MTMR7: variants seen among roughly 807,000 people sequenced by gnomAD.
MTMR7 encodes phosphatidylinositol-3-phosphate phosphatase MTMR7.
In MTMR7, 76 loss-of-function variants were observed where a neutral mutation model predicts 81.2. That is an observed-to-expected ratio of 0.94 (90% CI 0.78 to 1.13). The LOEUF (loss-of-function observed/expected upper bound fraction) is 1.13, where lower values mean the gene tolerates loss of function less well. MTMR7 is among the 50% of genes most tolerant of loss of function. The pLI is 0.00. For missense variants in MTMR7, 1,044 were observed against 820.0 expected, an observed-to-expected ratio of 1.27 and a Z score of -3.34; for synonymous variants, 372 against 289.8, an observed-to-expected ratio of 1.28 and a Z score of -2.88.
intron 1 of MTMR7, among the ~76,000 whole-genome samples, chr8:17,386,327 G>A (rs867770973): frequency 6.6e-6 from 1 of 152,312 alleles, no homozygotes; most frequent in South Asian, 2.1e-4. Flanking sequence ...GCAGTGGGCC[G>A]TGATCATGCC....
intron 1 of MTMR7, among the ~76,000 whole-genome samples, chr8:17,405,381 C>G (rs1585127327): frequency 6.6e-6 from 1 of 152,136 alleles, no homozygotes; most frequent in South Asian, 2.1e-4. Context: ...CATATTGACT[C>G]TCCACGCTCC....
intron 7 of MTMR7, among the ~76,000 whole-genome samples, chr8:17,322,579 G>T (rs1023221964): frequency 2.6e-5 from 4 of 152,270 alleles, no homozygotes; most frequent in South Asian, 2.1e-4. Context: ...CAGAACTTTG[G>T]GAGGCCAAGG....
At chr8:17,313,857 C>T (rs1184755788) in intron 7 of MTMR7, among the ~76,000 whole-genome samples, 1 of 152,188 alleles carries the variant, frequency 6.6e-6, no homozygotes, top group African/African-American at 2.4e-5. Flanking sequence ...GTTGTAAAAA[C>T]ACAAGACAGA....
At chr8:17,382,532 T>C (rs1274557716) in intron 1 of MTMR7, among the ~76,000 whole-genome samples, 2 of 152,228 alleles carry the variant, frequency 1.3e-5, no homozygotes, top group African/African-American at 4.8e-5. Flanking sequence ...AGACTTTCAT[T>C]TGACTTTATT....
chr8:17,333,030 G>C (rs1819093990), intron 6 of MTMR7, among the ~76,000 whole-genome samples: 1 of 152,014 alleles, frequency 6.6e-6, no homozygotes, highest in Admixed American at 6.6e-5. Context: ...AAGTATATTA[G>C]AAGTGAAAAA....
chr8:17,412,411 G>A (rs571196278), intron 1 of MTMR7, among the ~76,000 whole-genome samples: 1 of 152,182 alleles, frequency 6.6e-6, no homozygotes, highest in Non-Finnish European at 1.5e-5. Flanking sequence ...AGTAACAACA[G>A]ACAGCCAATA....
At chr8:17,339,154 A>G (rs922153849) in intron 6 of MTMR7, among the ~76,000 whole-genome samples, 7 of 152,126 alleles carry the variant, frequency 4.6e-5, no homozygotes, top group African/African-American at 1.7e-4. Flanking sequence ...GACCGTGTCT[A>G]TAATTACCTC....
chr8:17,303,638 T>C (rs1317180578), intron 12 of MTMR7, among the ~76,000 whole-genome samples: 3 of 151,374 alleles, frequency 2.0e-5, no homozygotes, highest in African/African-American at 7.3e-5. Context: ...AGATGGAGTT[T>C]TGCTCTTGTT....
chr8:17,403,241 C>A (rs1284753058), intron 1 of MTMR7, among the ~76,000 whole-genome samples: 3 of 152,218 alleles, frequency 2.0e-5, no homozygotes, highest in East Asian at 1.9e-4. Context: ...TGTGAAGAAG[C>A]TTTTTAACTT....
intron 7 of MTMR7, among the ~76,000 whole-genome samples, chr8:17,330,923 C>A (rs7817872): frequency 0.27 from 40,789 of 152,042 alleles, 5,733 homozygotes; most frequent in East Asian, 0.32. Context: ...TGTTCAGTAC[C>A]ATTGTAGAGT....
At chr8:17,300,353 T>G (rs1817035563) in intron 13 of MTMR7, 129 bp from the exon 14 acceptor site, 2 of 1,064,082 alleles carry the variant, frequency 1.9e-6, no homozygotes, top group Admixed American at 2.9e-5. Flanking sequence ...CAGAGGGATG[T>G]GAGTTCAAAC....
intron 5 of MTMR7, among the ~76,000 whole-genome samples, chr8:17,344,572 C>T (rs1162131407): frequency 6.6e-6 from 1 of 152,162 alleles, no homozygotes; most frequent in African/African-American, 2.4e-5. Context: ...GATCATGCCA[C>T]TGCACTCCAG....
intron 7 of MTMR7, among the ~76,000 whole-genome samples, chr8:17,314,928 C>G (rs753316664): frequency 3.3e-5 from 5 of 152,108 alleles, no homozygotes; most frequent in African/African-American, 4.8e-5. Context: ...CACTATGTGT[C>G]TGATAAAGTA....
chr8:17,389,765 TAAAAC>T lies in MTMR7; in HGVS notation c.25-16530_25-16526del, dbSNP rs908544269. Among the ~76,000 whole-genome samples the T allele has an allele frequency of 2.8e-4, 42 of 151,192 alleles. 1 individual carries two copies. Among genetic ancestry groups the T allele is most frequent in the Admixed American group, 2.3e-3 (35 of 15,196 alleles). Reference sequence around the variant, plus strand: ...AAACAGAGCAGAGACGGGGAAAAAATAAAACAAAACTTCATCTGCAAATGTGAAAA... The same window carrying T: ...AAACAGAGCAGAGACGGGGAAAAAATAAAACTTCATCTGCAAATGTGAAAA... On this transcript the variant is annotated intron_variant, in intron 1 of 13. Coordinates refer to ENST00000180173, the MANE Select transcript of MTMR7 (RefSeq NM_004686.5).
chr8:17,348,809 T>G, intron 5 of MTMR7, 144 bp downstream of exon 5: 2 of 924,978 alleles, frequency 2.2e-6, no homozygotes, highest in East Asian at 4.9e-5. Context: ...AGTTGTATCA[T>G]GTCATACCAT....
At chr8:17,408,204 A>T (rs61028019) in intron 1 of MTMR7, among the ~76,000 whole-genome samples, 1 of 118,150 alleles carries the variant, frequency 8.5e-6, no homozygotes, top group East Asian at 2.6e-4. Context: ...TCCCGGCTAA[A>T]ACGGTGAAAC....
chr8:17,341,560 A>G, intron 5 of MTMR7, 63 bp from the exon 6 acceptor site: 1 of 1,568,632 alleles, frequency 6.4e-7, no homozygotes, highest in Non-Finnish European at 8.7e-7. Flanking sequence ...GAGACACTCT[A>G]CGTGTGTCTC....
chr8:17,394,471 T>A (rs1050287243), intron 1 of MTMR7, among the ~76,000 whole-genome samples: 12 of 152,160 alleles, frequency 7.9e-5, no homozygotes, highest in Admixed American at 7.9e-4. Flanking sequence ...AATTGTATGA[T>A]TCCATTTATA....
intron 7 of MTMR7, among the ~76,000 whole-genome samples, chr8:17,325,732 T>C (rs1356209305): frequency 6.6e-6 from 1 of 152,084 alleles, no homozygotes; most frequent in East Asian, 1.9e-4. Context: ...GAACGTGCGC[T>C]GATTGCACAC....
Sources: gnomAD v4.1 joint callset for allele counts (sites outside exome capture counted in the v4.1 genomes callset) on GRCh38, gnomAD v4.1.1 for gene constraint, MANE v1.5 for transcripts, NCBI Gene and HGNC (gene_info 2026-07-23, HGNC 2026-07-21) for gene names.